The following OSMR variants were observed in gnomAD, a reference collection of about 807,000 sequenced individuals.
The protein encoded by OSMR is oncostatin M receptor, also known as oncostatin-M-specific receptor subunit beta.
Under a neutral mutation model 99.9 loss-of-function variants are expected in OSMR, and 81 were observed. That is an observed-to-expected ratio of 0.81 (90% CI 0.68 to 0.97). OSMR has a LOEUF of 0.97. Ranked by LOEUF, OSMR falls within the 50% of genes least tolerant of loss-of-function variation. The pLI is 0.00. For missense variants in OSMR, 1,099 were observed against 1,153.4 expected, an observed-to-expected ratio of 0.95 and a Z score of 0.68; for synonymous variants, 406 against 410.4, an observed-to-expected ratio of 0.99 and a Z score of 0.13.
intron 15 of OSMR, among the ~76,000 whole-genome samples, chr5:38,927,927 T>C (rs2112682418): frequency 6.6e-6 from 1 of 152,314 alleles, no homozygotes; most frequent in Non-Finnish European, 1.5e-5. Flanking sequence ...AAATCATCTG[T>C]CTCAAGTTCA....
downstream of OSMR, chr5:38,945,236 G>A (rs1304100882): frequency 1.6e-6 from 1 of 624,894 alleles, no homozygotes; most frequent in Non-Finnish European, 2.7e-6. Context: ...AATAACTACA[G>A]CATGCAAAGG....
intron 9 of OSMR, among the ~76,000 whole-genome samples, chr5:38,910,855 C>G (rs971089767): frequency 6.6e-6 from 1 of 152,002 alleles, no homozygotes; most frequent in Non-Finnish European, 1.5e-5. Context: ...CTAAAAAATA[C>G]AAAAATTAGC....
intron 11 of OSMR, chr5:38,919,268 TG>T: frequency 1.3e-6 from 2 of 1,510,952 alleles, no homozygotes; most frequent in Non-Finnish European, 1.8e-6. Context: ...ACTTCAGCCA[TG>T]GCTCAGGACA....
chr5:38,944,348 G>A, intron 2 of OSMR: 1 of 1,238,466 alleles, frequency 8.1e-7, no homozygotes, highest in Non-Finnish European at 1.2e-6. Flanking sequence ...AACTACTGAT[G>A]TAAGTTAACT....
At chr5:38,880,002 ATTTTGTGATCTAGG>A (rs1743152162) in intron 3 of OSMR, among the ~76,000 whole-genome samples, 2 of 152,170 alleles carry the variant, frequency 1.3e-5, no homozygotes, top group Non-Finnish European at 2.9e-5. Context: ...TAAGGAACAT[ATTTTGTGATCTAGG>A]AGTAAAGTAA....
chr5:38,930,014 C>T (rs1198983236), intron 15 of OSMR, among the ~76,000 whole-genome samples: 1 of 152,262 alleles, frequency 6.6e-6, no homozygotes, highest in Admixed American at 6.5e-5. Flanking sequence ...TCATACTCTC[C>T]CTTACAGCCC....
At chr5:38,879,169 T>C (rs1159568554) in intron 3 of OSMR, among the ~76,000 whole-genome samples, 1 of 152,148 alleles carries the variant, frequency 6.6e-6, no homozygotes, top group African/African-American at 2.4e-5. Flanking sequence ...CTTTAGCAAG[T>C]AGAGTAGAAA....
At chr5:38,918,551 A>G (rs1330730435) in intron 10 of OSMR, 1 of 167,054 alleles carries the variant, frequency 6.0e-6, no homozygotes. Context: ...TTTTTCCACC[A>G]GGTTAAAGAG....
In OSMR at chr5:38,931,880, C is replaced by T; in HGVS notation, c.2213-3C>T. 1.9e-6 allele frequency: 3 copies of T among 1,612,626 alleles called. No individual in the cohort carries two copies. Among genetic ancestry groups the T allele is most frequent in the Non-Finnish European group, 2.5e-6 (3 of 1,178,780 alleles). ...AAATGTCCCTTTCTTTTTCCTCGTT[C>T]AGCCTCGATGCTGATTCATATCCTA... On this transcript the variant is annotated splice_region_variant and splice_polypyrimidine_tract_variant and intron_variant, in intron 15 of 17. Transcript: ENST00000274276.
At chr5:38,903,823 C>G in intron 7 of OSMR, 59 bp from the exon 8 acceptor site, 2 of 1,572,396 alleles carry the variant, frequency 1.3e-6, no homozygotes, top group Non-Finnish European at 1.7e-6. Context: ...CTGCCTATTA[C>G]CAATGTCTTT....
intron 15 of OSMR, 53 bp downstream of exon 15, chr5:38,925,424 A>G: frequency 6.8e-7 from 1 of 1,481,266 alleles, no homozygotes. Context: ...GGAAACTAAC[A>G]AATTACAGAA....
intron 14 of OSMR, 84 bp downstream of exon 14, chr5:38,924,679 A>C: frequency 8.3e-7 from 1 of 1,198,104 alleles, no homozygotes; most frequent in Non-Finnish European, 1.2e-6. Context: ...GCCATCTCAG[A>C]CTGTGGCCAG....
chr5:38,879,788 T>A (rs1247191099), intron 3 of OSMR, among the ~76,000 whole-genome samples: 1 of 152,222 alleles, frequency 6.6e-6, no homozygotes, highest in African/African-American at 2.4e-5. Context: ...CACATCCGGC[T>A]AATTTTTGTA....
Position 38,925,327 on chromosome 5 carries a change from G to T in OSMR, c.2168G>T (p.Gly723Val), listed in dbSNP as rs771480578. 3.1e-6 allele frequency: 5 copies of T among 1,613,952 alleles called. No individual in the cohort carries two copies. The South Asian group carries it at 4.4e-5, about 14-fold the overall frequency. ...ACTCCATTCACTAGTGCTGGTGAAG[G>T]CCCCAGTGCTACGTTCACGAAGGTC... ...FITPFTSAGE[G>V]PSATFTKVTT... Residue 723 changes from glycine (G) to valine (V), a missense_variant, in exon 15 of 18, where the codon GGC becomes GTC. Physicochemically the swap from Gly to Val is moderately radical, Grantham distance 109 (BLOSUM62 -3). Transcript: ENST00000274276.
chr5:38,913,268 G>C (rs1271903395), intron 9 of OSMR, among the ~76,000 whole-genome samples: 1 of 151,928 alleles, frequency 6.6e-6, no homozygotes, highest in Non-Finnish European at 1.5e-5. Context: ...TGGGCAAAAG[G>C]GCCAGGCGCG....
intron 15 of OSMR, among the ~76,000 whole-genome samples, chr5:38,931,372 C>T (rs922316427): frequency 2.0e-5 from 3 of 152,260 alleles, no homozygotes; most frequent in Admixed American, 2.0e-4. Context: ...ATTTGTTTCA[C>T]GCATCTTCAT....
At position 38,899,150 on chromosome 5, in the gene OSMR, G is replaced by A. The variant is rs532712628; in HGVS notation, c.992-4732G>A. On this transcript the variant is annotated intron_variant, in intron 7 of 17. Transcript: ENST00000274276. The stretch of plus-strand genomic sequence containing the variant: ...AAATTTTGTATTTCTAGTAGAGACA[G>A]GGTTTCACCATGTTGGCCAGGCTGG... Among the ~76,000 whole-genome samples, 4 of 152,084 alleles carry A rather than the reference G, an allele frequency of 2.6e-5. No homozygotes were observed. The South Asian group carries it at 8.3e-4, about 32-fold the overall frequency.
At chr5:38,921,447 AG>A (rs1746228982) in intron 11 of OSMR, 167 bp from the exon 12 acceptor site, 1 of 979,760 alleles carries the variant, frequency 1.0e-6, no homozygotes, top group Non-Finnish European at 1.2e-6. Flanking sequence ...GTAAGAGACA[AG>A]AACTCACCCA....
At chr5:38,854,785 G>A (rs1441007205) in intron 1 of OSMR, among the ~76,000 whole-genome samples, 1 of 152,202 alleles carries the variant, frequency 6.6e-6, no homozygotes, top group Non-Finnish European at 1.5e-5. Flanking sequence ...GTCTAGTTGG[G>A]AATAATGGAG....
Sources: gnomAD v4.1 joint callset for allele counts (sites outside exome capture counted in the v4.1 genomes callset) on GRCh38, gnomAD v4.1.1 for gene constraint, MANE v1.5 for transcripts, NCBI Gene and HGNC (gene_info 2026-07-23, HGNC 2026-07-21) for gene names.